Variants in ADGRV1 observed in about 807,000 individuals in gnomAD.
The protein encoded by ADGRV1 is adhesion G protein-coupled receptor V1.
A neutral mutation model predicts 596.2 loss-of-function variants in ADGRV1; 359 were observed. The ratio of observed to expected loss-of-function variants is 0.60; its 90% CI spans 0.55 to 0.66. The LOEUF (loss-of-function observed/expected upper bound fraction) is 0.66, where lower values mean the gene tolerates loss of function less well. ADGRV1 is among the 30% of genes least tolerant of loss of function. The pLI is 0.00. For synonymous variants in ADGRV1, 2,681 were observed against 2,679.2 expected (o/e 1.00, Z -0.02); for missense variants, 7,274 against 7,575.6 (o/e 0.96, Z 1.48).
In ADGRV1 at chr5:90,690,898, G is replaced by A. The variant is rs376020392; in HGVS notation, c.6808G>A (p.Val2270Ile). ...RNSGTLGNVT[V>I]QWVATINGQL... ...TTCTGGGACACTCGGCAATGTTACT[G>A]TTCAGTGGGTTGCCACCATTAATGG... Residue 2270 changes from valine to isoleucine, a missense_variant, in exon 31 of 90, where the codon GTT (valine) becomes ATT (isoleucine). Val to Ile is a conservative substitution (Grantham distance 29, BLOSUM62 3). This residue lies in a region of ADGRV1 where 3,643 missense variants were observed against 3,809.2 expected (regional missense o/e 0.96). Coordinates refer to ENST00000405460, the MANE Select transcript of ADGRV1 (RefSeq NM_032119.4). The A allele has an allele frequency of 1.2e-6, 2 of 1,613,744 alleles. No homozygotes were observed. The highest frequency in any genetic ancestry group is 1.7e-6 in the Non-Finnish European group (2 of 1,179,768).
chr5:90,561,617 G>T (rs1754842015), intron 1 of ADGRV1, among the ~76,000 whole-genome samples: 1 of 152,118 alleles, frequency 6.6e-6, no homozygotes, highest in Non-Finnish European at 1.5e-5. Context: ...GTTCAGCATA[G>T]TGGTTAACCT....
At chr5:90,674,552 T>C (rs1772956376) in intron 23 of ADGRV1, 1 of 183,544 alleles carries the variant, frequency 5.4e-6, no homozygotes, top group South Asian at 1.9e-4. Context: ...TGTTAACACC[T>C]AAGTAATTGA....
chr5:91,072,684 A>G, intron 86 of ADGRV1, 80 bp downstream of exon 86: 1 of 1,448,848 alleles, frequency 6.9e-7, no homozygotes, highest in Non-Finnish European at 9.5e-7. Flanking sequence ...TTTTTTATCA[A>G]AAAGAGGGAA....
At chr5:91,139,028 C>G (rs568566729) in intron 87 of ADGRV1, among the ~76,000 whole-genome samples, 1 of 152,324 alleles carries the variant, frequency 6.6e-6, no homozygotes, top group South Asian at 2.1e-4. Context: ...CCCTTGGCCT[C>G]CCAAAGTGCT....
intron 21 of ADGRV1, among the ~76,000 whole-genome samples, chr5:90,668,664 A>G (rs1771966409): frequency 6.6e-6 from 1 of 152,106 alleles, no homozygotes; most frequent in Admixed American, 6.5e-5. Context: ...TGGACGCTTG[A>G]CATTCGAAAG....
intron 1 of ADGRV1, 62 bp from the exon 2 acceptor site, chr5:90,614,773 A>G: frequency 1.7e-6 from 2 of 1,164,416 alleles, no homozygotes; most frequent in Non-Finnish European, 2.5e-6. Flanking sequence ...TATAGACAAT[A>G]CAATCTAATG....
chr5:90,706,375 T>C lies in ADGRV1; in HGVS notation c.8711T>C (p.Ile2904Thr), dbSNP rs1748596379. 6.2e-7 allele frequency: 1 copy of C among 1,605,070 alleles called. No homozygotes were observed. Among genetic ancestry groups the C allele is most frequent in the Non-Finnish European group, 8.5e-7 (1 of 1,177,052 alleles). ...GAAGAAGGGGAAACAGCAGCAGCCA[T>C]CAACATTACCATTCTTGAGGTAAAA... Reference protein sequence around the residue: ...ILEEGETAAAINITILEDDVP... With the variant: ...ILEEGETAAATNITILEDDVP... The change falls in exon 38 of 90, where the codon ATC becomes ACC. Residue 2904 changes from isoleucine to threonine, a missense_variant. Transcript: ENST00000405460.
At chr5:90,707,309 G>A (rs1748727603) in intron 38 of ADGRV1, among the ~76,000 whole-genome samples, 1 of 152,124 alleles carries the variant, frequency 6.6e-6, no homozygotes, top group African/African-American at 2.4e-5. Context: ...ACTCACGGAG[G>A]GAGTAGGAGA....
chr5:90,713,416 G>C (rs540816902), intron 42 of ADGRV1, among the ~76,000 whole-genome samples: 4 of 145,652 alleles, frequency 2.7e-5, no homozygotes, highest in Non-Finnish European at 4.5e-5. Flanking sequence ...TCATTTTCTT[G>C]TAGAACATAG....
chr5:90,871,716 A>C (rs1419192423), intron 83 of ADGRV1, among the ~76,000 whole-genome samples: 1 of 152,258 alleles, frequency 6.6e-6, no homozygotes, highest in Admixed American at 6.5e-5. Flanking sequence ...GTCCCTGACT[A>C]GGCAAAAGCA....
At chr5:90,676,047 T>C (rs1773218258) in intron 24 of ADGRV1, 33 bp from the exon 25 acceptor site, 3 of 1,549,012 alleles carry the variant, frequency 1.9e-6, no homozygotes, top group Non-Finnish European at 1.8e-6. Flanking sequence ...ACAGAATGAT[T>C]GTAATCTAAT....
At chr5:90,803,948 C>G (rs1261783988) in intron 71 of ADGRV1, among the ~76,000 whole-genome samples, 1 of 152,128 alleles carries the variant, frequency 6.6e-6, no homozygotes, top group South Asian at 2.1e-4. Context: ...CATCATGGTA[C>G]ATTCACATCT....
intron 87 of ADGRV1, among the ~76,000 whole-genome samples, chr5:91,120,026 GA>G (rs1298736166): frequency 2.0e-5 from 3 of 152,146 alleles, no homozygotes; most frequent in Non-Finnish European, 4.4e-5. Flanking sequence ...AGACTAGTAA[GA>G]ACAAAATCTT....
chr5:91,025,806 T>A (rs1783975956), intron 85 of ADGRV1, among the ~76,000 whole-genome samples: 5 of 152,166 alleles, frequency 3.3e-5, no homozygotes, highest in Non-Finnish European at 7.3e-5. Flanking sequence ...TTACTGTTGT[T>A]TCACTGTGAT....
At chr5:90,670,006 T>C (rs972438479) in intron 21 of ADGRV1, among the ~76,000 whole-genome samples, 1 of 152,234 alleles carries the variant, frequency 6.6e-6, no homozygotes, top group Non-Finnish European at 1.5e-5. Context: ...AATTATATAT[T>C]TATCCACCAA....
At chr5:90,704,112 T>G (rs1748275759) in intron 35 of ADGRV1, among the ~76,000 whole-genome samples, 1 of 152,194 alleles carries the variant, frequency 6.6e-6, no homozygotes, top group East Asian at 1.9e-4. Flanking sequence ...CTCTCCAACT[T>G]TGTGCTTTGA....
intron 85 of ADGRV1, among the ~76,000 whole-genome samples, chr5:91,024,738 T>A (rs1156990579): frequency 6.6e-6 from 1 of 152,172 alleles, no homozygotes; most frequent in African/African-American, 2.4e-5. Context: ...GGCTTATTGC[T>A]TTAATGGGTT....
At chr5:91,031,926 G>GA (rs1255979934) in intron 85 of ADGRV1, among the ~76,000 whole-genome samples, 22 of 151,912 alleles carry the variant, frequency 1.4e-4, no homozygotes, top group African/African-American at 5.1e-4. Context: ...GTTCAAAAAA[G>GA]AAAAAATAAT....
Position 90,637,712 on chromosome 5 carries a change from T to C in ADGRV1, c.2017-13T>C. 1 of 1,555,858 alleles carries C rather than the reference T, an allele frequency of 6.4e-7. No individual in the cohort carries two copies. The highest frequency in any genetic ancestry group is 8.7e-7 in the Non-Finnish European group (1 of 1,149,832). On this transcript the variant is annotated splice_polypyrimidine_tract_variant and intron_variant, in intron 10 of 89. Coordinates refer to ENST00000405460, the MANE Select transcript of ADGRV1 (RefSeq NM_032119.4). Reference sequence around the variant, plus strand: ...TTTTAGAAGAAATTGTTCTGTTCTTTTCTTTTTATAAGGTATACATTCCCT... The same window carrying C: ...TTTTAGAAGAAATTGTTCTGTTCTTCTCTTTTTATAAGGTATACATTCCCT...
Sources: allele counts gnomAD v4.1 joint callset (sites outside exome capture counted in the v4.1 genomes callset), GRCh38; gene constraint gnomAD v4.1.1; regional missense constraint gnomAD v4.1.1; transcripts MANE v1.5; gene names NCBI Gene and HGNC (gene_info 2026-07-23, HGNC 2026-07-21).